Variants in REEP1 observed in about 807,000 individuals in gnomAD.
The protein encoded by REEP1 is receptor accessory protein 1, also known as receptor expression-enhancing protein 1.
REEP1 carries 22 observed loss-of-function variants against 40.3 expected under a neutral mutation model. The ratio of observed to expected loss-of-function variants is 0.55; its 90% confidence interval spans 0.39 to 0.78. The LOEUF (loss-of-function observed/expected upper bound fraction) is 0.78, where lower values mean the gene tolerates loss of function less well. REEP1 is among the 30% of genes least tolerant of loss of function. The probability of loss-of-function intolerance (pLI) is 0.00; values close to 1 mark genes in which losing one functional copy is unlikely to be tolerated. For synonymous variants in REEP1, 116 were observed against 139.2 expected, an observed-to-expected ratio of 0.83 and a Z score of 1.17; for missense variants, 280 against 361.1, an observed-to-expected ratio of 0.78 and a Z score of 1.82.
chr2:86,308,531 G>C (rs975868224), intron 1 of REEP1, among the ~76,000 whole-genome samples: 1 of 152,224 alleles, frequency 6.6e-6, no homozygotes, highest in African/African-American at 2.4e-5. Flanking sequence ...CTCCAGCCTG[G>C]GCAACAGAGG....
intron 1 of REEP1, among the ~76,000 whole-genome samples, chr2:86,310,184 T>C (rs975821814): frequency 2.6e-5 from 4 of 152,218 alleles, no homozygotes; most frequent in Non-Finnish European, 2.9e-5. Context: ...ACTGGGCACA[T>C]GCATGATGCT....
At chr2:86,239,215 A>AG (rs1463829472) in intron 5 of REEP1, among the ~76,000 whole-genome samples, 2 of 140,706 alleles carry the variant, frequency 1.4e-5, no homozygotes, top group African/African-American at 5.0e-5. Context: ...GACCAAAAAA[A>AG]AAAAAAAAAA....
chr2:86,265,891 AATAT>A (rs1422696388), intron 2 of REEP1, among the ~76,000 whole-genome samples: 3 of 152,220 alleles, frequency 2.0e-5, no homozygotes, highest in Non-Finnish European at 4.4e-5. Context: ...ATCACTATGT[AATAT>A]ATCCACGTAA....
rs1674124173 is a variant in REEP1, at chr2:86,216,568, T to C, written c.*471A>G. On this transcript the variant is annotated 3_prime_UTR_variant, in exon 9 of 9. Coordinates refer to ENST00000538924, the MANE Select transcript of REEP1 (RefSeq NM_001371279.1). ...TGGCAGCCCTTGCAAGTCCATTATA[T>C]TAAAAGCCAAAAGCCATAAATATGT... 6.5e-6 allele frequency: 1 copy of C among 154,192 alleles called. No individual in the cohort carries two copies. Among genetic ancestry groups the C allele is most frequent in the Non-Finnish European group, 1.4e-5 (1 of 69,130 alleles). 9.6% of individuals were successfully genotyped at this position (154,192 alleles called of 1,614,324 possible).
chr2:86,241,276 G>C (rs917566566), intron 5 of REEP1, among the ~76,000 whole-genome samples: 3 of 152,252 alleles, frequency 2.0e-5, no homozygotes, highest in Non-Finnish European at 4.4e-5. Context: ...GGGACCCACA[G>C]GACAAATCTG....
chr2:86,245,123 G>A (rs781122531), intron 5 of REEP1, among the ~76,000 whole-genome samples: 1 of 152,062 alleles, frequency 6.6e-6, no homozygotes, highest in Admixed American at 6.5e-5. Context: ...CTCCAGCCTG[G>A]GCAAGAGTGA....
At chr2:86,258,824 G>A (rs1676704634) in intron 3 of REEP1, among the ~76,000 whole-genome samples, 1 of 152,158 alleles carries the variant, frequency 6.6e-6, no homozygotes, top group South Asian at 2.1e-4. Context: ...TCTTTTCCAA[G>A]GCATATGTAC....
At chr2:86,285,836 T>C (rs1034072376) in intron 1 of REEP1, among the ~76,000 whole-genome samples, 1 of 152,138 alleles carries the variant, frequency 6.6e-6, no homozygotes, top group Admixed American at 6.5e-5. Context: ...CTCACGTAAC[T>C]TTCTAGGAAG....
intron 6 of REEP1, among the ~76,000 whole-genome samples, chr2:86,230,617 G>A (rs1416234021): frequency 2.6e-5 from 4 of 152,214 alleles, no homozygotes; most frequent in African/African-American, 7.2e-5. Context: ...ATGACAATGC[G>A]CCTTCTCAGG....
rs994790822 is a variant in REEP1 at position 86,231,330 on chromosome 2, A to T, written c.595+1295T>A. 2.6e-5 allele frequency among the ~76,000 whole-genome samples: 4 copies of T among 152,306 alleles called. No homozygotes were observed. In the South Asian group the frequency reaches 8.3e-4, roughly 32 times the overall value. ...CAACCCTGCCCTGCTTCCAGCAGTG[A>T]CAGGGTTAAAACATCTCCCAACAGA... On this transcript the variant is annotated intron_variant, in intron 6 of 8. Coordinates refer to ENST00000538924, the MANE Select transcript of REEP1 (RefSeq NM_001371279.1).
At chr2:86,245,846 G>C (rs1360159771) in intron 5 of REEP1, among the ~76,000 whole-genome samples, 1 of 150,596 alleles carries the variant, frequency 6.6e-6, no homozygotes, top group African/African-American at 2.4e-5. Context: ...CTCACTGCAA[G>C]CTCCGCCTCC....
At chr2:86,274,917 T>C (rs777449092) in intron 2 of REEP1, among the ~76,000 whole-genome samples, 10 of 152,162 alleles carry the variant, frequency 6.6e-5, no homozygotes, top group Admixed American at 2.0e-4. Flanking sequence ...CCACAGCAGC[T>C]GGCTGAAATT....
chr2:86,318,177 A>G (rs1215451085), intron 1 of REEP1, among the ~76,000 whole-genome samples: 4 of 152,172 alleles, frequency 2.6e-5, no homozygotes, highest in African/African-American at 7.2e-5. Flanking sequence ...ATCTGCATCT[A>G]TTTGGTGAAC....
At chr2:86,288,616 T>C (rs1319145190) in intron 1 of REEP1, among the ~76,000 whole-genome samples, 1 of 152,212 alleles carries the variant, frequency 6.6e-6, no homozygotes, top group Admixed American at 6.5e-5. Flanking sequence ...TGAGACCTTC[T>C]CTAGGGTATC....
At chr2:86,220,384 T>G (rs1479017750) in intron 7 of REEP1, among the ~76,000 whole-genome samples, 1 of 152,100 alleles carries the variant, frequency 6.6e-6, no homozygotes, top group Non-Finnish European at 1.5e-5. Flanking sequence ...GAATTCTGAG[T>G]AATTCAGTAG....
At chr2:86,256,975 C>T (rs1403112876) in intron 3 of REEP1, among the ~76,000 whole-genome samples, 1 of 152,312 alleles carries the variant, frequency 6.6e-6, no homozygotes, top group African/African-American at 2.4e-5. Flanking sequence ...GCCTTACCCA[C>T]GCCTCCTTTC....
At chr2:86,222,610 T>C (rs1015864939) in intron 7 of REEP1, among the ~76,000 whole-genome samples, 2 of 152,306 alleles carry the variant, frequency 1.3e-5, no homozygotes, top group African/African-American at 4.8e-5. Context: ...TTGCAGTGGT[T>C]TCAAGGAAGC....
upstream of REEP1, chr2:86,337,997 A>G (rs1415029824): frequency 2.6e-6 from 4 of 1,530,736 alleles, no homozygotes; most frequent in African/African-American, 4.1e-5. This position sits in a 1 kb window ranked among gnomAD's most constrained non-coding sequence, Gnocchi z 5.8. Context: ...TCATTCAGCT[A>G]GTGCGTTAGC....
At chr2:86,262,088 G>A (rs1384370858) in intron 3 of REEP1, among the ~76,000 whole-genome samples, 1 of 152,194 alleles carries the variant, frequency 6.6e-6, no homozygotes, top group East Asian at 1.9e-4. Context: ...ACCCACGAAT[G>A]ATCAATAAAT....
Sources: gnomAD v4.1 joint callset for allele counts (sites outside exome capture counted in the v4.1 genomes callset) on GRCh38, gnomAD v4.1.1 for gene constraint, Gnocchi (gnomAD v3.1) non-coding constraint, MANE v1.5 for transcripts, NCBI Gene and HGNC (gene_info 2026-07-23, HGNC 2026-07-21) for gene names.